The following FAM118B variants were observed in gnomAD, a reference collection of about 807,000 sequenced individuals.
The protein encoded by FAM118B is SIR2 antiphage like 1.
Under a neutral mutation model 38.5 loss-of-function variants are expected in FAM118B, and 24 were observed. That is an observed-to-expected ratio of 0.62 (90% CI 0.45 to 0.88). The LOEUF (loss-of-function observed/expected upper bound fraction) is 0.88, where lower values mean the gene tolerates loss of function less well. FAM118B is among the 40% of genes least tolerant of loss of function. FAM118B has a pLI of 0.00. For missense variants in FAM118B, 334 were observed against 420.0 expected, an observed-to-expected ratio of 0.80 and a Z score of 1.79; for synonymous variants, 138 against 156.3, an observed-to-expected ratio of 0.88 and a Z score of 0.87.
rs184943677 is a variant in FAM118B, at chr11:126,252,135, C to G, written c.567+1402C>G. Among the ~76,000 whole-genome samples the G allele has an allele frequency of 2.0e-5, 3 of 151,908 alleles. No homozygotes were observed. Among genetic ancestry groups the G allele is most frequent in the Admixed American group, 2.0e-4 (3 of 15,238 alleles). On this transcript the variant is annotated intron_variant, in intron 5 of 8. Coordinates refer to ENST00000533050, the MANE Select transcript of FAM118B (RefSeq NM_024556.4). The surrounding 1 kb of genome is among the most constrained non-coding windows in gnomAD (Gnocchi z 4.7). ...CCGAATAGCTGGGATTACAGGCACC[C>G]GCCATCACGTCTGGCTAATTTTTGT...
chr11:126,258,580 A>T (rs1950617991), intron 7 of FAM118B, among the ~76,000 whole-genome samples: 1 of 152,130 alleles, frequency 6.6e-6, no homozygotes, highest in South Asian at 2.1e-4. Context: ...AACAAGTCTC[A>T]TTTGTGAAAA....
At chr11:126,247,890 T>C (rs1392129935) in intron 4 of FAM118B, among the ~76,000 whole-genome samples, 1 of 145,242 alleles carries the variant, frequency 6.9e-6, no homozygotes, top group African/African-American at 2.5e-5. Flanking sequence ...TCTATATATA[T>C]ATATAGATAT....
intron 2 of FAM118B, among the ~76,000 whole-genome samples, chr11:126,230,517 TA>T (rs749245049): frequency 4.5e-4 from 68 of 152,344 alleles, no homozygotes; most frequent in Non-Finnish European, 8.8e-4. Flanking sequence ...TTTTATTTTT[TA>T]AAAGGGGGTG....
At chr11:126,216,126 A>C (rs1949975159) in intron 1 of FAM118B, among the ~76,000 whole-genome samples, 1 of 152,224 alleles carries the variant, frequency 6.6e-6, no homozygotes, top group South Asian at 2.1e-4. Flanking sequence ...CTGTAATCCC[A>C]GCACTTTGGG....
chr11:126,246,398 G>A (rs987496589), intron 4 of FAM118B, among the ~76,000 whole-genome samples: 8 of 152,182 alleles, frequency 5.3e-5, no homozygotes, highest in African/African-American at 1.9e-4. Flanking sequence ...TTTGGAATCA[G>A]ACTCTGCCAC....
chr11:126,262,261 CG>C lies in FAM118B; in HGVS notation c.*132del. ...GTAACAATAGCCAGAGGTTGAAGGG[CG>C]GGGTAGAAGAGGGGGGAATGTTGCA... On this transcript the variant is annotated 3_prime_UTR_variant, in exon 9 of 9. Transcript: ENST00000533050. The C allele has an allele frequency of 1.2e-6, 1 of 861,398 alleles. No individual in the cohort carries two copies. The allele number at this position is 861,398 out of a possible 1,614,324, so 53.4% of individuals were successfully genotyped here.
chr11:126,241,110 G>A, intron 4 of FAM118B, 66 bp downstream of exon 4: 1 of 1,474,522 alleles, frequency 6.8e-7, no homozygotes, highest in Non-Finnish European at 9.1e-7. Context: ...CAACTAGCAT[G>A]ATTTGGCTGT....
Position 126,256,975 on chromosome 11 carries a change from A to C in FAM118B, c.982+123A>C. ...GGAATGTAATGACTGACCAAATTGT[A>C]AAGGAGGCCACAGTCTTCAGGTTAG... On this transcript the variant is annotated intron_variant, in intron 7 of 8. Transcript: ENST00000533050. The surrounding 1 kb of genome is among the most constrained non-coding windows in gnomAD (Gnocchi z 6.6). 1 of 970,432 alleles carries C rather than the reference A, an allele frequency of 1.0e-6. No homozygotes were observed. Among genetic ancestry groups the C allele is most frequent in the South Asian group, 1.6e-5 (1 of 62,454 alleles). The allele number at this position is 970,432 out of a possible 1,614,324, so 60.1% of individuals were successfully genotyped here. A position where few individuals can be genotyped will look rare whatever the true frequency, so the allele number is the denominator to read the frequency against.
Position 126,262,323 on chromosome 11 carries a change from T to C in FAM118B, c.*190T>C. On this transcript the variant is annotated 3_prime_UTR_variant, in exon 9 of 9. Transcript: ENST00000533050. ...TCATACCACCTGGTTCTTGATATTC[T>C]GCCGCCTGTTCAAGTTCAAGAATAA... is the stretch of plus-strand genomic sequence containing the variant. 1.8e-6 allele frequency: 1 copy of C among 543,948 alleles called. No individual in the cohort carries two copies. 33.7% of individuals were successfully genotyped at this position (543,948 alleles called of 1,614,324 possible).
chr11:126,261,297 TGTTTC>T lies in FAM118B; in HGVS notation c.983-127_983-123del, dbSNP rs1276476796. 1.2e-5 allele frequency: 8 copies of T among 688,546 alleles called. No individual in the cohort carries two copies. The Admixed American group carries it at 1.8e-4, about 15-fold the overall frequency. 42.7% of individuals were successfully genotyped at this position (688,546 alleles called of 1,614,324 possible). A position where few individuals can be genotyped will look rare whatever the true frequency, so the allele number is the denominator to read the frequency against. The stretch of plus-strand genomic sequence containing the variant: ...TCTGCCTCCTTATCTTCTCAATGAT[TGTTTC>T]ATTTCTAAATGCCCATTCCTTTTCA... On this transcript the variant is annotated intron_variant, in intron 7 of 8. Transcript: ENST00000533050.
At chr11:126,223,747 A>C (rs1442928739) in intron 1 of FAM118B, among the ~76,000 whole-genome samples, 2 of 152,184 alleles carry the variant, frequency 1.3e-5, no homozygotes, top group Non-Finnish European at 2.9e-5. Context: ...CTAAGAATCA[A>C]CCCTTAAAAA....
Position 126,241,055 on chromosome 11 carries a change from T to C in FAM118B, c.339+11T>C, listed in dbSNP as rs376772264. On this transcript the variant is annotated intron_variant, in intron 4 of 8. Coordinates refer to ENST00000533050, the MANE Select transcript of FAM118B (RefSeq NM_024556.4). ...CAGAAACTCTCTCCTGTGAGTACCC[T>C]AGTATGTGCCACAGTATTTGGAATT... 1.1e-4 allele frequency: 173 copies of C among 1,560,632 alleles called. 1 individual carries two copies. The East Asian group carries it at 2.3e-3, about 21-fold the overall frequency.
chr11:126,242,701 G>A (rs958241375), intron 4 of FAM118B, among the ~76,000 whole-genome samples: 12 of 152,280 alleles, frequency 7.9e-5, no homozygotes, highest in African/African-American at 2.4e-4. Context: ...TTTCACACCC[G>A]CTGGCATGAC....
rs1403062532 is a variant in FAM118B, at chr11:126,256,899, TC to T, written c.982+48del. The T allele has an allele frequency of 1.9e-6, 3 of 1,546,784 alleles. No individual in the cohort carries two copies. On this transcript the variant is annotated intron_variant, in intron 7 of 8. Coordinates refer to ENST00000533050, the MANE Select transcript of FAM118B (RefSeq NM_024556.4). This position sits in a 1 kb window ranked among gnomAD's most constrained non-coding sequence, Gnocchi z 6.6. ...AGGGGAATCAGAGAACAACAGCTCTTCAGCCTTTTGTGTATTTGTGATGTGA... is the reference window on the plus strand; with the variant it reads ...AGGGGAATCAGAGAACAACAGCTCTTAGCCTTTTGTGTATTTGTGATGTGA...
chr11:126,233,158 A>G (rs566606017), intron 2 of FAM118B, among the ~76,000 whole-genome samples: 43 of 152,296 alleles, frequency 2.8e-4, no homozygotes, highest in African/African-American at 1.0e-3. Flanking sequence ...AATTAACTTT[A>G]TTTTCAAGAA....
At chr11:126,225,582 C>T (rs2135138662) in intron 1 of FAM118B, among the ~76,000 whole-genome samples, 1 of 152,278 alleles carries the variant, frequency 6.6e-6, no homozygotes, top group East Asian at 1.9e-4. Flanking sequence ...GTAGAGTGTC[C>T]TTTTGTAGTT....
intron 4 of FAM118B, among the ~76,000 whole-genome samples, chr11:126,243,897 C>T (rs533541584): frequency 1.4e-5 from 2 of 139,102 alleles, no homozygotes; most frequent in East Asian, 4.0e-4. Flanking sequence ...GAGCAAGACT[C>T]CGTCTCAAAA....
intron 4 of FAM118B, among the ~76,000 whole-genome samples, chr11:126,245,787 G>A (rs912273294): frequency 1.3e-5 from 2 of 151,950 alleles, no homozygotes; most frequent in Admixed American, 6.6e-5. Flanking sequence ...ACCTGAGGTC[G>A]GAAGTTCGAG....
intron 1 of FAM118B, among the ~76,000 whole-genome samples, chr11:126,218,129 A>G (rs1247849610): frequency 6.6e-6 from 1 of 152,102 alleles, no homozygotes; most frequent in Non-Finnish European, 1.5e-5. Flanking sequence ...TTTTTGCTCA[A>G]TCTTTAATTT....
Sources: allele counts gnomAD v4.1 joint callset (sites outside exome capture counted in the v4.1 genomes callset), GRCh38; gene constraint gnomAD v4.1.1; non-coding constraint Gnocchi (gnomAD v3.1); transcripts MANE v1.5; gene names NCBI Gene and HGNC (gene_info 2026-07-23, HGNC 2026-07-21).